STPG2: variants seen among roughly 807,000 people sequenced by gnomAD.
STPG2 encodes sperm tail PG-rich repeat containing 2.
STPG2 carries 56 observed loss-of-function variants against 54.2 expected under a neutral mutation model. The observed-to-expected ratio is 1.03, with a 90% confidence interval of 0.83 to 1.29. STPG2 has a LOEUF of 1.29. Ranked by LOEUF, STPG2 falls within the 50% of genes most tolerant of loss-of-function variation. The pLI is 0.00. For missense variants in STPG2, 596 were observed against 544.9 expected, an observed-to-expected ratio of 1.09 and a Z score of -0.93; for synonymous variants, 200 against 181.8, an observed-to-expected ratio of 1.10 and a Z score of -0.81.
chr4:97,512,176 C>T (rs1005037470), intron 4 of STPG2, among the ~76,000 whole-genome samples: 2 of 151,758 alleles, frequency 1.3e-5, no homozygotes, highest in Non-Finnish European at 2.9e-5. Context: ...GTAGTGAGCC[C>T]ATATAACAGG....
intron 3 of STPG2, among the ~76,000 whole-genome samples, chr4:98,124,804 A>T (rs1288662119): frequency 1.3e-5 from 2 of 152,094 alleles, no homozygotes; most frequent in Non-Finnish European, 2.9e-5. Flanking sequence ...CATCTCTTTC[A>T]TGTATGCCAG....
chr4:97,834,789 T>C (rs1412841349), intron 9 of STPG2, among the ~76,000 whole-genome samples: 1 of 152,042 alleles, frequency 6.6e-6, no homozygotes, highest in East Asian at 1.9e-4. Flanking sequence ...TCACCTTTTG[T>C]TGGTACTGAA....
intron 1 of STPG2, among the ~76,000 whole-genome samples, chr4:98,141,833 T>C (rs897637027): frequency 6.6e-6 from 1 of 150,492 alleles, no homozygotes; most frequent in Non-Finnish European, 1.5e-5. Flanking sequence ...AAGAAGGCCA[T>C]GAAGGACTGC....
chr4:97,912,388 G>A (rs1237478174), intron 8 of STPG2, among the ~76,000 whole-genome samples: 1 of 152,222 alleles, frequency 6.6e-6, no homozygotes, highest in Non-Finnish European at 1.5e-5. Flanking sequence ...AAAGGAACAT[G>A]TTGTAACCCA....
chr4:98,141,292 AAC>A (rs1740274566), intron 1 of STPG2, among the ~76,000 whole-genome samples: 1 of 152,202 alleles, frequency 6.6e-6, no homozygotes, highest in Non-Finnish European at 1.5e-5. Context: ...GGGAAAAATC[AAC>A]ACTCTATAGA....
chr4:97,616,057 AATATATATATATAT>A lies in STPG2; in HGVS notation c.1321-56954_1321-56941del, dbSNP rs70953077. Among the ~76,000 whole-genome samples, 52 of 37,386 alleles carry A rather than the reference AATATATATATATAT, an allele frequency of 1.4e-3. 3 individuals are homozygous for A. The South Asian group carries it at 0.036, about 26-fold the overall frequency. The allele number at this position is 37,386 out of a possible 152,430, so 24.5% of individuals were successfully genotyped here. On this transcript the variant is annotated intron_variant, in intron 10 of 10. Transcript: ENST00000295268. ...GTCTCAAAAAAAAAAAATACATATA[AATATATATATATAT>A]ATATATATATATATATATATATATG...
chr4:97,819,178 T>C (rs1052761512), intron 9 of STPG2, among the ~76,000 whole-genome samples: 3 of 151,794 alleles, frequency 2.0e-5, no homozygotes, highest in Admixed American at 2.0e-4. Flanking sequence ...CAGAAGCATT[T>C]CTGGCAGCTA....
rs750107493 is a variant in STPG2 at position 97,626,393 on chromosome 4, T to A, written c.1321-67276A>T. Among the ~76,000 whole-genome samples the A allele has an allele frequency of 3.9e-5, 6 of 152,170 alleles. No homozygotes were observed. The South Asian group carries it at 1.0e-3, about 26-fold the overall frequency. ...ATTCTTCAAGGCTCAAATTATTATC[T>A]CCTTTATGGAGTCTTCCTTAACTAA... On this transcript the variant is annotated intron_variant, in intron 10 of 10. Coordinates refer to ENST00000295268, the MANE Select transcript of STPG2 (RefSeq NM_174952.3).
At chr4:97,860,537 C>T (rs1729490474) in intron 8 of STPG2, among the ~76,000 whole-genome samples, 1 of 142,386 alleles carries the variant, frequency 7.0e-6, no homozygotes. Context: ...TTTATTGCAA[C>T]TGTTGTAAAA....
chr4:97,825,961 C>T (rs2149108200), intron 9 of STPG2, among the ~76,000 whole-genome samples: 1 of 152,262 alleles, frequency 6.6e-6, no homozygotes, highest in South Asian at 2.1e-4. Context: ...GGGTCATAAA[C>T]TGATTCTTTG....
chr4:97,843,395 C>A (rs1052200152), intron 8 of STPG2, among the ~76,000 whole-genome samples: 9 of 151,786 alleles, frequency 5.9e-5, no homozygotes, highest in African/African-American at 2.2e-4. Context: ...TCTGGAAAAC[C>A]AAAGCCCTAC....
chr4:97,982,011 C>T (rs1207073668), intron 5 of STPG2, among the ~76,000 whole-genome samples: 6 of 151,358 alleles, frequency 4.0e-5, no homozygotes, highest in African/African-American at 7.3e-5. Flanking sequence ...CAGTCTCCCA[C>T]GCAGCTGGGA....
intron 7 of STPG2, among the ~76,000 whole-genome samples, chr4:97,966,560 G>A (rs1734106571): frequency 6.6e-6 from 1 of 152,086 alleles, no homozygotes. Flanking sequence ...GCAACCCCAA[G>A]ACACATAATT....
At chr4:97,687,514 A>C (rs1271299869) in intron 10 of STPG2, among the ~76,000 whole-genome samples, 2 of 151,576 alleles carry the variant, frequency 1.3e-5, no homozygotes, top group Non-Finnish European at 2.9e-5. Context: ...TAATTTTTGT[A>C]TTTTTAGTAG....
chr4:98,140,376 A>G (rs771876115), intron 1 of STPG2, among the ~76,000 whole-genome samples: 2 of 152,218 alleles, frequency 1.3e-5, no homozygotes, highest in African/African-American at 2.4e-5. Context: ...ATAATGTAAT[A>G]TATCTTAGAA....
intron 5 of STPG2, among the ~76,000 whole-genome samples, chr4:98,021,925 T>G (rs1177329596): frequency 1.3e-5 from 2 of 152,042 alleles, no homozygotes; most frequent in African/African-American, 2.4e-5. Flanking sequence ...GCACCTGAGA[T>G]GGGTTTCCTG....
chr4:97,490,586 C>A (rs1730482585), intron 4 of STPG2, among the ~76,000 whole-genome samples: 1 of 151,550 alleles, frequency 6.6e-6, no homozygotes, highest in Admixed American at 6.6e-5. Context: ...GGAGTACTCG[C>A]TTCCCTGTAC....
chr4:97,675,257 C>T (rs541973842), intron 10 of STPG2, among the ~76,000 whole-genome samples: 2 of 152,142 alleles, frequency 1.3e-5, no homozygotes, highest in Non-Finnish European at 2.9e-5. Context: ...CCCGCCTCGG[C>T]CTCCCAAAGT....
At chr4:97,778,692 G>C (rs1364806682) in intron 9 of STPG2, among the ~76,000 whole-genome samples, 1 of 152,184 alleles carries the variant, frequency 6.6e-6, no homozygotes, top group African/African-American at 2.4e-5. Context: ...AGTAGGCGCA[G>C]ACTGACACCT....
Sources: allele counts gnomAD v4.1 joint callset (sites outside exome capture counted in the v4.1 genomes callset), GRCh38; gene constraint gnomAD v4.1.1; transcripts MANE v1.5; gene names NCBI Gene and HGNC (gene_info 2026-07-23, HGNC 2026-07-21).